The following KIAA0825 variants were observed in gnomAD, a reference collection of about 807,000 sequenced individuals.
KIAA0825 encodes KIAA0825, also known as uncharacterized protein KIAA0825.
In KIAA0825, 119 loss-of-function variants were observed where a neutral mutation model predicts 147.6. The observed-to-expected ratio is 0.81, with a 90% CI of 0.69 to 0.94. The LOEUF (loss-of-function observed/expected upper bound fraction) is 0.94, where lower values mean the gene tolerates loss of function less well. Ranked by LOEUF, KIAA0825 falls within the 40% of genes least tolerant of loss-of-function variation. KIAA0825 has a pLI of 0.00. For synonymous variants in KIAA0825, 470 were observed against 518.1 expected, an observed-to-expected ratio of 0.91 and a Z score of 1.26; for missense variants, 1,381 against 1,472.7, an observed-to-expected ratio of 0.94 and a Z score of 1.02.
intron 20 of KIAA0825, among the ~76,000 whole-genome samples, chr5:94,238,970 C>A (rs1472031075): frequency 6.6e-6 from 1 of 152,146 alleles, no homozygotes; most frequent in East Asian, 1.9e-4. Flanking sequence ...TGAACAATTT[C>A]TTCAATTTGC....
In KIAA0825 at chr5:94,520,250, A is replaced by G. The variant is rs1283442888; in HGVS notation, c.968T>C (p.Leu323Ser). Residue 323 changes from leucine (L) to serine (S), a missense_variant and splice_region_variant, in exon 5 of 21, where the codon TTG (leucine) becomes TCG (serine). Transcript: ENST00000682413. ...SSKHRGAVHA[L>S]VTTECPQKGR... ...CAAAAATTTTAAATGTCACTAACCC[A>G]AAGCATGCACTGCTCCTCTATGCTT... 6.3e-7 allele frequency: 1 copy of G among 1,588,396 alleles called. No homozygotes were observed. Among genetic ancestry groups the G allele is most frequent in the Non-Finnish European group, 8.5e-7 (1 of 1,169,682 alleles).
chr5:94,226,543 G>A (rs1774183395), intron 20 of KIAA0825, among the ~76,000 whole-genome samples: 1 of 152,066 alleles, frequency 6.6e-6, no homozygotes, highest in Non-Finnish European at 1.5e-5. Flanking sequence ...TATAAATCAT[G>A]CTGCTATAAA....
At chr5:94,161,667 G>A (rs1193194882) in intron 20 of KIAA0825, among the ~76,000 whole-genome samples, 1 of 151,826 alleles carries the variant, frequency 6.6e-6, no homozygotes, top group Non-Finnish European at 1.5e-5. Context: ...ATCTATACTT[G>A]CAGTTTGTTG....
intron 1 of KIAA0825, among the ~76,000 whole-genome samples, chr5:94,614,754 AT>A (rs1234428554): frequency 6.6e-6 from 1 of 152,046 alleles, no homozygotes; most frequent in African/African-American, 2.4e-5. Flanking sequence ...GTGTTCAATG[AT>A]GTATGTAAAT....
chr5:94,471,585 T>C lies in KIAA0825; in HGVS notation c.1602A>G (p.Arg534=). The C allele has an allele frequency of 6.4e-7, 1 of 1,551,908 alleles. No homozygotes were observed. Among genetic ancestry groups the C allele is most frequent in the Non-Finnish European group, 8.7e-7 (1 of 1,147,040 alleles). The part of the protein sequence containing the change: ...ATAVLQRLQE[R]AKEVPSKAPL... ...GTGCTTTGGAAGGAACCTCCTTGGC[T>C]CTCTCTTGCAGTCTCTGCAGGACAG... Residue 534 remains arginine (R), a synonymous_variant, in exon 9 of 21, where the codon AGA becomes AGG. Coordinates refer to ENST00000682413, the MANE Select transcript of KIAA0825 (RefSeq NM_001145678.3).
chr5:94,427,856 C>T (rs1222091866), intron 14 of KIAA0825, among the ~76,000 whole-genome samples: 1 of 151,976 alleles, frequency 6.6e-6, no homozygotes, highest in East Asian at 1.9e-4. Context: ...AACCTGGGTG[C>T]TTGTTTTGTG....
chr5:94,326,365 G>A (rs1398816318), intron 20 of KIAA0825, among the ~76,000 whole-genome samples: 2 of 152,104 alleles, frequency 1.3e-5, no homozygotes, highest in African/African-American at 4.8e-5. Context: ...GGGGAGTTAC[G>A]AAAGTTTATA....
chr5:94,294,656 G>A (rs533962466), intron 20 of KIAA0825, among the ~76,000 whole-genome samples: 1 of 152,330 alleles, frequency 6.6e-6, no homozygotes, highest in African/African-American at 2.4e-5. Flanking sequence ...AACTGTGGAG[G>A]TGGAGGTTGC....
chr5:94,569,892 T>C (rs988751021), intron 2 of KIAA0825: 1 of 159,404 alleles, frequency 6.3e-6, no homozygotes, highest in Non-Finnish European at 1.4e-5. Flanking sequence ...ATTGGTATTA[T>C]CCTCTTATTC....
intron 2 of KIAA0825, 23 bp from the exon 3 acceptor site, chr5:94,537,150 A>T: frequency 1.3e-6 from 2 of 1,584,592 alleles, no homozygotes; most frequent in South Asian, 2.3e-5. Flanking sequence ...AATAAATAAT[A>T]AAACATGTCA....
chr5:94,440,229 C>T (rs966771815), intron 13 of KIAA0825, 108 bp from the exon 14 acceptor site: 1 of 1,110,636 alleles, frequency 9.0e-7, no homozygotes, highest in Admixed American at 2.9e-5. Flanking sequence ...CAATTCCTCC[C>T]TGATTACTCT....
At chr5:94,493,579 G>A (rs181722081) in intron 5 of KIAA0825, among the ~76,000 whole-genome samples, 283 of 152,132 alleles carry the variant, frequency 1.9e-3, no homozygotes, top group African/African-American at 6.4e-3. Flanking sequence ...GCTCCACCCC[G>A]CCGGGTTCAC....
intron 20 of KIAA0825, among the ~76,000 whole-genome samples, chr5:94,268,747 GCA>G (rs1212928690): frequency 6.6e-6 from 1 of 152,098 alleles, no homozygotes; most frequent in African/African-American, 2.4e-5. Flanking sequence ...TGGATAAATG[GCA>G]CCCAGTTTCT....
chr5:94,291,640 T>C (rs534888680), intron 20 of KIAA0825, among the ~76,000 whole-genome samples: 2 of 152,300 alleles, frequency 1.3e-5, no homozygotes, highest in African/African-American at 4.8e-5. Context: ...TTTTTCAAAT[T>C]CTGTGAAGAA....
chr5:94,260,732 G>T (rs1776450781), intron 20 of KIAA0825, among the ~76,000 whole-genome samples: 1 of 152,102 alleles, frequency 6.6e-6, no homozygotes, highest in Non-Finnish European at 1.5e-5. Context: ...CCTTTAACAT[G>T]ATTTCAATTA....
chr5:94,233,239 C>T (rs1350969037), intron 20 of KIAA0825, among the ~76,000 whole-genome samples: 2 of 152,186 alleles, frequency 1.3e-5, no homozygotes, highest in African/African-American at 2.4e-5. Flanking sequence ...TCTTCAGCAA[C>T]TGTATCTAAC....
intron 18 of KIAA0825, among the ~76,000 whole-genome samples, chr5:94,390,827 C>CA (rs1446393235): frequency 6.6e-6 from 1 of 152,062 alleles, no homozygotes; most frequent in Non-Finnish European, 1.5e-5. Flanking sequence ...TTTACTATTC[C>CA]AAAAATTACA....
intron 20 of KIAA0825, among the ~76,000 whole-genome samples, chr5:94,314,657 G>A (rs540359758): frequency 7.3e-5 from 11 of 151,598 alleles, no homozygotes; most frequent in Admixed American, 4.6e-4. Context: ...TGTTTTGTTC[G>A]CTGTATTCTT....
At chr5:94,533,097 G>T (rs1429059107) in intron 3 of KIAA0825, among the ~76,000 whole-genome samples, 2 of 151,024 alleles carry the variant, frequency 1.3e-5, no homozygotes, top group Admixed American at 1.3e-4. Context: ...TCCTGCCTCA[G>T]CCTCCTGAGT....
Sources: gnomAD v4.1 joint callset for allele counts (sites outside exome capture counted in the v4.1 genomes callset) on GRCh38, gnomAD v4.1.1 for gene constraint, MANE v1.5 for transcripts, NCBI Gene and HGNC (gene_info 2026-07-23, HGNC 2026-07-21) for gene names.